The following MDFIC variants were observed in gnomAD, a reference collection of about 807,000 sequenced individuals.
MDFIC encodes the protein MyoD family inhibitor domain containing.
In MDFIC, 17 loss-of-function variants were observed where a neutral mutation model predicts 23.2. The observed-to-expected ratio is 0.73, with a 90% CI of 0.50 to 1.10. MDFIC has a LOEUF of 1.10. Ranked by LOEUF, MDFIC falls within the 50% of genes least tolerant of loss-of-function variation. The probability of loss-of-function intolerance (pLI) is 0.00; values close to 1 mark genes in which losing one functional copy is unlikely to be tolerated. For synonymous variants in MDFIC, 120 were observed against 115.2 expected (o/e 1.04, Z -0.27); for missense variants, 356 against 316.6 (o/e 1.12, Z -0.95).
chr7:114,986,044 T>G (rs1235553794), intron 4 of MDFIC, among the ~76,000 whole-genome samples: 1 of 151,784 alleles, frequency 6.6e-6, no homozygotes. Context: ...TTTTTTTTTT[T>G]TTTGTACATT....
At chr7:114,957,250 A>T (rs758096494) in intron 3 of MDFIC, among the ~76,000 whole-genome samples, 1 of 152,172 alleles carries the variant, frequency 6.6e-6, no homozygotes, top group Admixed American at 6.5e-5. Context: ...GTTTTCAAGG[A>T]TGAAAACGAT....
chr7:114,964,981 C>A (rs942856211), intron 3 of MDFIC, among the ~76,000 whole-genome samples: 1 of 152,138 alleles, frequency 6.6e-6, no homozygotes, highest in African/African-American at 2.4e-5. Context: ...TGGAATGTTT[C>A]TTGTTATGGA....
chr7:114,982,405 A>T (rs1435916341), intron 4 of MDFIC, among the ~76,000 whole-genome samples: 1 of 152,096 alleles, frequency 6.6e-6, no homozygotes, highest in Non-Finnish European at 1.5e-5. Context: ...ACCTGAGACT[A>T]AAGTTTGGTC....
At chr7:114,933,508 C>T (rs976007826) in intron 2 of MDFIC, among the ~76,000 whole-genome samples, 2 of 152,134 alleles carry the variant, frequency 1.3e-5, no homozygotes, top group Admixed American at 6.5e-5. Context: ...CCACCTGCCT[C>T]GGCCTCTCAA....
intron 4 of MDFIC, among the ~76,000 whole-genome samples, chr7:115,003,651 T>G (rs1345826281): frequency 2.6e-5 from 4 of 152,220 alleles, no homozygotes; most frequent in Non-Finnish European, 1.5e-5. Flanking sequence ...ACCTGGTTTC[T>G]TTAGATCCAA....
chr7:115,010,117 G>A (rs1358014368), intron 4 of MDFIC, among the ~76,000 whole-genome samples: 2 of 152,124 alleles, frequency 1.3e-5, no homozygotes, highest in Admixed American at 1.3e-4. Flanking sequence ...TGGATGCAGA[G>A]GACCCATTTT....
chr7:115,009,440 A>G (rs1309185303), intron 4 of MDFIC, among the ~76,000 whole-genome samples: 2 of 152,216 alleles, frequency 1.3e-5, no homozygotes, highest in African/African-American at 2.4e-5. Flanking sequence ...CTGATGGCTC[A>G]ATCAGGGTTC....
intron 2 of MDFIC, among the ~76,000 whole-genome samples, chr7:114,931,247 G>A (rs1792302662): frequency 6.6e-6 from 1 of 152,214 alleles, no homozygotes. Flanking sequence ...GGTTTGCTAA[G>A]TAGAAACTAT....
chr7:114,926,383 C>A (rs1792190227), intron 2 of MDFIC, among the ~76,000 whole-genome samples: 1 of 152,226 alleles, frequency 6.6e-6, no homozygotes, highest in Middle Eastern at 3.4e-3. Flanking sequence ...AATTGTATGT[C>A]ATTGTGATAA....
intron 4 of MDFIC, among the ~76,000 whole-genome samples, chr7:114,992,122 G>C (rs1791182138): frequency 6.6e-6 from 1 of 152,106 alleles, no homozygotes. Flanking sequence ...ATTGTGAATG[G>C]GAGTTCACTC....
intron 4 of MDFIC, among the ~76,000 whole-genome samples, chr7:115,001,994 A>C (rs988552601): frequency 1.3e-5 from 2 of 152,036 alleles, no homozygotes; most frequent in Non-Finnish European, 2.9e-5. Context: ...AAAATTAGCC[A>C]GGTGTGGTGG....
At chr7:114,975,501 G>A (rs1793292928) in intron 3 of MDFIC, among the ~76,000 whole-genome samples, 1 of 151,718 alleles carries the variant, frequency 6.6e-6, no homozygotes, top group Non-Finnish European at 1.5e-5. Context: ...AAGGGAGAGT[G>A]AGGGTCCCTA....
chr7:115,019,793 T>C lies in MDFIC; in HGVS notation c.*3858T>C, dbSNP rs1791864920. On this transcript the variant is annotated 3_prime_UTR_variant, in exon 5 of 5. Transcript: ENST00000393486. ...CATTTTTGTTTTAAACAATGGTTAATATATTAATAGGGTTTGTTCCACACT... is the reference window on the plus strand; with the variant it reads ...CATTTTTGTTTTAAACAATGGTTAACATATTAATAGGGTTTGTTCCACACT... Among the ~76,000 whole-genome samples, 1 of 152,174 alleles carries C rather than the reference T, an allele frequency of 6.6e-6. No individual in the cohort carries two copies. Among genetic ancestry groups the C allele is most frequent in the Non-Finnish European group, 1.5e-5 (1 of 68,008 alleles).
chr7:114,935,648 T>G (rs1017642296), intron 2 of MDFIC, among the ~76,000 whole-genome samples: 1 of 152,092 alleles, frequency 6.6e-6, no homozygotes, highest in African/African-American at 2.4e-5. Flanking sequence ...TAAATATAAG[T>G]AGACTAGGAA....
In MDFIC at chr7:114,979,519, C is replaced by A. The variant is rs1374211901; in HGVS notation, c.231C>A (p.Arg77=). ...TTTTTAATTTAGCCCAACCTCAGCG[C>A]TTGCCTCAGCTTCAGACTTCAGCCC... ...DGELIRTQPQ[R]LPQLQTSAQV... Residue 77 remains arginine (R), a synonymous_variant, in exon 4 of 5, where the codon CGC becomes CGA. Coordinates refer to ENST00000393486, the MANE Select transcript of MDFIC (RefSeq NM_001166345.3). 1 of 1,611,052 alleles carries A rather than the reference C, an allele frequency of 6.2e-7. No homozygotes were observed. The highest frequency in any genetic ancestry group is 1.7e-5 in the Admixed American group (1 of 59,876).
chr7:115,008,154 A>G (rs1791609465), intron 4 of MDFIC, among the ~76,000 whole-genome samples: 1 of 152,130 alleles, frequency 6.6e-6, no homozygotes. Flanking sequence ...GTAAACAAAT[A>G]GAAGGAAAAA....
chr7:115,014,508 A>T (rs573901172), intron 4 of MDFIC: 1 of 1,289,720 alleles, frequency 7.8e-7, no homozygotes, highest in East Asian at 5.5e-5. Flanking sequence ...TGCCAAATAC[A>T]GAAACACAAA....
intron 4 of MDFIC, among the ~76,000 whole-genome samples, chr7:114,983,066 G>A (rs1208377978): frequency 6.6e-6 from 1 of 152,198 alleles, no homozygotes; most frequent in Non-Finnish European, 1.5e-5. Flanking sequence ...TTGTAGAGGT[G>A]ACATTCAAAC....
intron 3 of MDFIC, among the ~76,000 whole-genome samples, chr7:114,974,450 A>G (rs560630848): frequency 2.6e-5 from 4 of 152,190 alleles, no homozygotes; most frequent in African/African-American, 7.2e-5. Flanking sequence ...TCCATATTCT[A>G]CATTGATCAT....
Sources: allele counts gnomAD v4.1 joint callset (sites outside exome capture counted in the v4.1 genomes callset), GRCh38; gene constraint gnomAD v4.1.1; transcripts MANE v1.5; gene names NCBI Gene and HGNC (gene_info 2026-07-23, HGNC 2026-07-21).